The following EPM2A variants were observed in gnomAD, a reference collection of about 807,000 sequenced individuals.
The protein encoded by EPM2A is EPM2A glucan phosphatase, laforin.
EPM2A carries 21 observed loss-of-function variants against 26.5 expected under a neutral mutation model. The observed-to-expected ratio is 0.79, with a 90% CI of 0.56 to 1.14. EPM2A has a LOEUF of 1.14. Ranked by LOEUF, EPM2A falls within the 50% of genes most tolerant of loss-of-function variation. The pLI is 0.00. For missense variants in EPM2A, 458 were observed against 440.8 expected, an observed-to-expected ratio of 1.04 and a Z score of -0.35; for synonymous variants, 217 against 177.6, an observed-to-expected ratio of 1.22 and a Z score of -1.76.
At chr6:145,531,012 C>T (rs1780347644) in intron 2 of EPM2A, among the ~76,000 whole-genome samples, 1 of 152,174 alleles carries the variant, frequency 6.6e-6, no homozygotes, top group African/African-American at 2.4e-5. Context: ...TCATTTCTTT[C>T]TCTCCTTTGC....
At chr6:145,657,985 C>T (rs1037481421) in intron 2 of EPM2A, among the ~76,000 whole-genome samples, 3 of 152,158 alleles carry the variant, frequency 2.0e-5, no homozygotes, top group Non-Finnish European at 4.4e-5. Context: ...GCTCAAGTGT[C>T]TGGAATAAAA....
At chr6:145,722,331 A>T (rs1775986675) in intron 1 of EPM2A, among the ~76,000 whole-genome samples, 1 of 152,224 alleles carries the variant, frequency 6.6e-6, no homozygotes, top group Non-Finnish European at 1.5e-5. Context: ...TTAAGAGAAA[A>T]GTCAAGGAAA....
chr6:145,709,641 T>C (rs1045363372), intron 1 of EPM2A, among the ~76,000 whole-genome samples: 1 of 152,228 alleles, frequency 6.6e-6, no homozygotes, highest in Non-Finnish European at 1.5e-5. Context: ...AACAGACTAA[T>C]ACATCATCTA....
chr6:145,508,580 AT>A (rs1423640996), intron 2 of EPM2A, among the ~76,000 whole-genome samples: 41 of 149,836 alleles, frequency 2.7e-4, no homozygotes, highest in Non-Finnish European at 8.9e-5. Flanking sequence ...CAATAAAAAA[AT>A]CAACACTCCC....
At chr6:145,455,129 G>A (rs895106572) in intron 4 of EPM2A, among the ~76,000 whole-genome samples, 1 of 151,926 alleles carries the variant, frequency 6.6e-6, no homozygotes, top group African/African-American at 2.4e-5. Context: ...GTGGGCATAT[G>A]GAATTACTTA....
intron 1 of EPM2A, among the ~76,000 whole-genome samples, chr6:145,725,683 C>T (rs73566143): frequency 1.3e-5 from 2 of 151,884 alleles, no homozygotes; most frequent in South Asian, 2.1e-4. Context: ...ACACACTGTA[C>T]GATTCTAATT....
intron 2 of EPM2A, among the ~76,000 whole-genome samples, chr6:145,604,203 A>G (rs1781453993): frequency 6.6e-6 from 1 of 152,132 alleles, no homozygotes; most frequent in Non-Finnish European, 1.5e-5. Flanking sequence ...AAAAATTCCA[A>G]AAATGTAAGT....
intron 2 of EPM2A, among the ~76,000 whole-genome samples, chr6:145,615,648 G>A (rs1451989972): frequency 1.3e-5 from 2 of 152,016 alleles, no homozygotes; most frequent in Non-Finnish European, 2.9e-5. Flanking sequence ...GAGACTTGTT[G>A]AATGGCTTTG....
At chr6:145,475,049 A>T (rs139682664) in intron 4 of EPM2A, among the ~76,000 whole-genome samples, 8,188 of 152,314 alleles carry the variant, frequency 0.054, 304 homozygotes, top group Non-Finnish European at 0.084. Context: ...ATCATTGTGG[A>T]AGACAGTGTG....
At chr6:145,435,335 A>T (rs1393958138) in intron 4 of EPM2A, among the ~76,000 whole-genome samples, 2 of 151,628 alleles carry the variant, frequency 1.3e-5, no homozygotes, top group Non-Finnish European at 2.9e-5. Flanking sequence ...ACAGTTAAAA[A>T]CAAAGTGATT....
chr6:145,597,174 G>A (rs1346527818), intron 2 of EPM2A, among the ~76,000 whole-genome samples: 5 of 151,706 alleles, frequency 3.3e-5, no homozygotes, highest in Non-Finnish European at 5.9e-5. Context: ...GATTACAGGC[G>A]TGAGCCACCG....
chr6:145,698,655 C>A (rs1781750628), intron 1 of EPM2A, among the ~76,000 whole-genome samples: 1 of 151,454 alleles, frequency 6.6e-6, no homozygotes, highest in Non-Finnish European at 1.5e-5. Context: ...TTTAATCGTG[C>A]ATTTTTTAAA....
At chr6:145,492,318 C>T (rs547403306) in intron 4 of EPM2A, among the ~76,000 whole-genome samples, 8 of 152,030 alleles carry the variant, frequency 5.3e-5, no homozygotes, top group East Asian at 3.9e-4. Context: ...TTTTGGGTGC[C>T]GGCAGGAGCA....
intron 1 of EPM2A, among the ~76,000 whole-genome samples, chr6:145,697,348 A>G (rs1020001581): frequency 2.0e-5 from 3 of 152,140 alleles, no homozygotes; most frequent in African/African-American, 7.2e-5. Flanking sequence ...TTCACATGGT[A>G]ATAAGATATC....
intron 4 of EPM2A, among the ~76,000 whole-genome samples, chr6:145,476,320 A>G (rs1014052876): frequency 2.6e-5 from 4 of 152,040 alleles, no homozygotes; most frequent in Admixed American, 1.3e-4. Context: ...ATAGGCCCCA[A>G]TACAATACAA....
chr6:145,512,953 T>C (rs1780076402), intron 2 of EPM2A, among the ~76,000 whole-genome samples: 1 of 151,882 alleles, frequency 6.6e-6, no homozygotes, highest in Non-Finnish European at 1.5e-5. Flanking sequence ...GACCTGAAAC[T>C]ATAAAAATTC....
At chr6:145,442,701 G>T (rs560946578) in intron 4 of EPM2A, among the ~76,000 whole-genome samples, 1 of 151,586 alleles carries the variant, frequency 6.6e-6, no homozygotes, top group South Asian at 2.1e-4. Context: ...GTTTCTGTCA[G>T]CTTTGTCAAA....
intron 2 of EPM2A, among the ~76,000 whole-genome samples, chr6:145,668,184 T>C (rs1347873532): frequency 1.3e-5 from 2 of 151,286 alleles, no homozygotes; most frequent in Non-Finnish European, 2.9e-5. Context: ...AGGTTAATAA[T>C]AATTGCCTCA....
chr6:145,472,347 C>T (rs1038239638), intron 4 of EPM2A, among the ~76,000 whole-genome samples: 6 of 151,780 alleles, frequency 4.0e-5, no homozygotes, highest in African/African-American at 1.5e-4. Flanking sequence ...GCTGTGGTGG[C>T]TATGGGGCAA....
Sources: allele counts gnomAD v4.1 joint callset (sites outside exome capture counted in the v4.1 genomes callset), GRCh38; gene constraint gnomAD v4.1.1; transcripts MANE v1.5; gene names NCBI Gene and HGNC (gene_info 2026-07-23, HGNC 2026-07-21).